WDFY4: variants seen among roughly 807,000 people sequenced by gnomAD.
WDFY4 encodes the protein WDFY family member 4.
Under a neutral mutation model 351.9 loss-of-function variants are expected in WDFY4, and 169 were observed. The observed-to-expected ratio is 0.48, with a 90% CI of 0.42 to 0.55. WDFY4 has a LOEUF of 0.55. Ranked by LOEUF, WDFY4 falls within the 20% of genes least tolerant of loss-of-function variation. The pLI is 0.00. For synonymous variants in WDFY4, 1,622 were observed against 1,574.6 expected (o/e 1.03, Z -0.71); for missense variants, 3,803 against 3,935.6 (o/e 0.97, Z 0.90).
chr10:48,815,188 T>G (rs1359728831), intron 31 of WDFY4, among the ~76,000 whole-genome samples: 1 of 152,206 alleles, frequency 6.6e-6, no homozygotes, highest in Non-Finnish European at 1.5e-5. Flanking sequence ...AGCAAATATC[T>G]AACTCCTTAT....
chr10:48,807,104 A>C (rs2067282441), intron 27 of WDFY4, among the ~76,000 whole-genome samples: 1 of 152,236 alleles, frequency 6.6e-6, no homozygotes, highest in Non-Finnish European at 1.5e-5. Flanking sequence ...AAATCTGAAT[A>C]GACGGAAATA....
chr10:48,830,666 C>A, intron 37 of WDFY4, 34 bp from the exon 38 acceptor site: 1 of 1,540,080 alleles, frequency 6.5e-7, no homozygotes, highest in African/African-American at 1.4e-5. Context: ...GTCACTGAGG[C>A]CATCCTGAGT....
chr10:48,937,978 G>A (rs1349131182), intron 47 of WDFY4, among the ~76,000 whole-genome samples: 1 of 152,180 alleles, frequency 6.6e-6, no homozygotes, highest in African/African-American at 2.4e-5. Flanking sequence ...CCCTACCCAG[G>A]AAGCCTCGCC....
Position 48,820,393 on chromosome 10 carries a change from G to A in WDFY4, c.5665G>A (p.Ala1889Thr). Residue 1889 changes from alanine to threonine, a missense_variant, in exon 33 of 62, where the codon GCC (alanine) becomes ACC (threonine). Physicochemically the swap from Ala to Thr is moderately conservative, Grantham distance 58. Transcript: ENST00000325239. ...CCTCTTGAGGGAGCTCCTGCTTGGA[G>A]CCTCCAGCCCCAAGCAGTGGCTGCC... ...QLLLRELLLG[A>T]SSPKQWLPLE... The A allele has an allele frequency of 1.3e-6, 2 of 1,551,622 alleles. No individual in the cohort carries two copies. The highest frequency in any genetic ancestry group is 2.4e-5 in the East Asian group (1 of 40,896).
intron 47 of WDFY4, among the ~76,000 whole-genome samples, chr10:48,936,961 C>A (rs563258686): frequency 2.0e-5 from 3 of 151,946 alleles, no homozygotes; most frequent in African/African-American, 7.2e-5. Flanking sequence ...CTCTTGTCAC[C>A]CAGGCTGGAG....
Position 48,867,357 on chromosome 10 carries a change from A to G in WDFY4, c.6741+15A>G. On this transcript the variant is annotated intron_variant, in intron 40 of 61. Coordinates refer to ENST00000325239, the MANE Select transcript of WDFY4 (RefSeq NM_001394531.1). The stretch of plus-strand genomic sequence containing the variant: ...ACCATGTGCAAGTAAGAAACAAAAC[A>G]TAGGCTTTCTCTATACAGCAAGCTG... The G allele has an allele frequency of 6.8e-7, 1 of 1,461,328 alleles. No homozygotes were observed. Among genetic ancestry groups the G allele is most frequent in the Non-Finnish European group, 9.1e-7 (1 of 1,098,188 alleles). The allele number at this position is 1,461,328 out of a possible 1,614,324, so 90.5% of individuals were successfully genotyped here. A position where few individuals can be genotyped will look rare whatever the true frequency, so the allele number is the denominator to read the frequency against.
chr10:48,852,042 T>C (rs1292514090), intron 39 of WDFY4, among the ~76,000 whole-genome samples: 2 of 152,254 alleles, frequency 1.3e-5, no homozygotes, highest in Admixed American at 1.3e-4. Context: ...CAATAAGCAA[T>C]GCAGCACTCA....
At chr10:48,980,818 T>C (rs1322459999) in intron 60 of WDFY4, among the ~76,000 whole-genome samples, 1 of 152,150 alleles carries the variant, frequency 6.6e-6, no homozygotes, top group Non-Finnish European at 1.5e-5. Flanking sequence ...ACCCTTCACA[T>C]TGAAGGAATT....
At chr10:48,833,231 G>A (rs2620898) in intron 39 of WDFY4, among the ~76,000 whole-genome samples, 96,086 of 150,938 alleles carry the variant, frequency 0.64, 32,526 homozygotes, top group African/African-American at 0.87. Flanking sequence ...TATGGAGTAC[G>A]GTGGGTGGGG....
chr10:48,935,114 C>T (rs1250291679), intron 47 of WDFY4: 3 of 152,258 alleles, frequency 2.0e-5, no homozygotes, highest in Non-Finnish European at 4.4e-5. Context: ...GAGATCCAAG[C>T]AGTTGTTTGG....
intron 47 of WDFY4, among the ~76,000 whole-genome samples, chr10:48,914,687 A>G (rs1343189829): frequency 6.6e-6 from 1 of 152,190 alleles, no homozygotes; most frequent in Admixed American, 6.5e-5. Flanking sequence ...TTAGAGAATA[A>G]GGTGGGTACT....
chr10:48,895,826 C>T (rs1025986597), intron 44 of WDFY4, among the ~76,000 whole-genome samples: 1 of 152,176 alleles, frequency 6.6e-6, no homozygotes, highest in Admixed American at 6.5e-5. Flanking sequence ...GCACACCCCT[C>T]ATAACTCTCC....
At position 48,961,826 on chromosome 10, in the gene WDFY4, T is replaced by C. The variant is rs950896216; in HGVS notation, c.8223+2013T>C. On this transcript the variant is annotated intron_variant, in intron 53 of 61. Transcript: ENST00000325239. ...CATGCAGCACAGAGAAGCAGATCTT[T>C]TGTGATTTTTTTTTTACAAGAGGAC... Among the ~76,000 whole-genome samples the C allele has an allele frequency of 1.3e-5, 2 of 151,940 alleles. 1 individual carries two copies. Among genetic ancestry groups the C allele is most frequent in the Admixed American group, 1.3e-4 (2 of 15,236 alleles).
chr10:48,706,889 C>T (rs1426205684), intron 1 of WDFY4, among the ~76,000 whole-genome samples: 1 of 152,108 alleles, frequency 6.6e-6, no homozygotes, highest in African/African-American at 2.4e-5. Context: ...ACTCTATGGC[C>T]ACCATGCAGC....
At chr10:48,739,783 C>A (rs1161857030) in intron 11 of WDFY4, among the ~76,000 whole-genome samples, 6 of 152,232 alleles carry the variant, frequency 3.9e-5, no homozygotes, top group African/African-American at 1.4e-4. Context: ...AGAAAATAAC[C>A]ATCTAGGAAT....
intron 1 of WDFY4, among the ~76,000 whole-genome samples, chr10:48,700,384 A>C (rs1020979398): frequency 6.6e-6 from 1 of 152,116 alleles, no homozygotes; most frequent in Non-Finnish European, 1.5e-5. Flanking sequence ...TCAGGGTCTT[A>C]TGTCCTCCAA....
Position 48,947,580 on chromosome 10 carries a change from T to A in WDFY4, c.7977+611T>A, listed in dbSNP as rs559464817. On this transcript the variant is annotated intron_variant, in intron 51 of 61. Coordinates refer to ENST00000325239, the MANE Select transcript of WDFY4 (RefSeq NM_001394531.1). Reference sequence around the variant, plus strand: ...AAGTTTAGCTGGGCCTCCTGTATTGTATATGGCCACTCTGGTGTCCAAGTG... The same window carrying A: ...AAGTTTAGCTGGGCCTCCTGTATTGAATATGGCCACTCTGGTGTCCAAGTG... Among the ~76,000 whole-genome samples, 70 of 152,370 alleles carry A rather than the reference T, an allele frequency of 4.6e-4. 1 individual carries two copies. The highest frequency in any genetic ancestry group is 1.4e-3 in the South Asian group (7 of 4,830).
At chr10:48,975,365 C>A (rs1455001367) in intron 58 of WDFY4, among the ~76,000 whole-genome samples, 1 of 152,174 alleles carries the variant, frequency 6.6e-6, no homozygotes, top group Non-Finnish European at 1.5e-5. Context: ...TCTTTACCTT[C>A]AAATCAGTGT....
chr10:48,748,433 G>T (rs2065076931), intron 12 of WDFY4, among the ~76,000 whole-genome samples: 2 of 152,166 alleles, frequency 1.3e-5, no homozygotes, highest in African/African-American at 4.8e-5. Flanking sequence ...AAGCCTGCAT[G>T]CATTTGTCTG....
Sources: allele counts gnomAD v4.1 joint callset (sites outside exome capture counted in the v4.1 genomes callset), GRCh38; gene constraint gnomAD v4.1.1; transcripts MANE v1.5; gene names NCBI Gene and HGNC (gene_info 2026-07-23, HGNC 2026-07-21).